The following ABCG2 variants were observed in gnomAD, a reference collection of about 807,000 sequenced individuals.
ABCG2 encodes the protein ATP binding cassette subfamily G member 2 (JR blood group), also known as broad substrate specificity ATP-binding cassette transporter ABCG2.
ABCG2 carries 80 observed loss-of-function variants against 73.5 expected under a neutral mutation model. The observed-to-expected ratio is 1.09, with a 90% CI of 0.91 to 1.31. ABCG2 has a LOEUF of 1.31. ABCG2 is among the 50% of genes most tolerant of loss of function. The pLI is 0.00. For synonymous variants in ABCG2, 269 were observed against 282.4 expected (o/e 0.95, Z 0.48); for missense variants, 796 against 786.2 (o/e 1.01, Z -0.15).
chr4:88,186,746 C>T (rs1456844416), intron 1 of ABCG2, among the ~76,000 whole-genome samples: 1 of 150,798 alleles, frequency 6.6e-6, no homozygotes, highest in African/African-American at 2.4e-5. Context: ...GGTGAAACCC[C>T]GTCTCTACTA....
chr4:88,209,536 G>T (rs932220114), intron 1 of ABCG2, among the ~76,000 whole-genome samples: 1 of 151,046 alleles, frequency 6.6e-6, no homozygotes, highest in Non-Finnish European at 1.5e-5. Context: ...GGTGGTGAGC[G>T]CCTGTAATCC....
Position 88,223,254 on chromosome 4 carries a change from T to C in ABCG2, c.-20+7740A>G, listed in dbSNP as rs552045735. Among the ~76,000 whole-genome samples the C allele has an allele frequency of 9.2e-5, 14 of 152,298 alleles. No homozygotes were observed. The South Asian group carries it at 2.7e-3, about 29-fold the overall frequency. The stretch of plus-strand genomic sequence containing the variant: ...CTGTTGGAAGGGCATGATTGTGTTT[T>C]AAAATGTGAGGACATGAGATTTGGG... On this transcript the variant is annotated intron_variant, in intron 1 of 15. Coordinates refer to the ABCG2 transcript ENST00000515655.
chr4:88,177,738 A>G (rs938514068), intron 1 of ABCG2, among the ~76,000 whole-genome samples: 2 of 152,138 alleles, frequency 1.3e-5, no homozygotes, highest in African/African-American at 4.8e-5. Context: ...GTGGCCACAT[A>G]CCATGGAGAG....
intron 2 of ABCG2, among the ~76,000 whole-genome samples, chr4:88,137,907 T>G (rs774217921): frequency 6.6e-6 from 1 of 152,136 alleles, no homozygotes; most frequent in Non-Finnish European, 1.5e-5. Context: ...ATAACCCCAG[T>G]GCTTTGGGAG....
intron 1 of ABCG2, among the ~76,000 whole-genome samples, chr4:88,168,828 T>C (rs933855975): frequency 2.0e-5 from 3 of 151,730 alleles, no homozygotes; most frequent in African/African-American, 7.3e-5. Context: ...GATATATATT[T>C]ACAAAGTGAA....
chr4:88,212,497 C>T (rs1355854493), intron 1 of ABCG2, among the ~76,000 whole-genome samples: 1 of 152,182 alleles, frequency 6.6e-6, no homozygotes, highest in Admixed American at 6.5e-5. Flanking sequence ...CTTCAGTGAT[C>T]TTGTTCTCCA....
chr4:88,122,252 C>T (rs1156971766), intron 5 of ABCG2, among the ~76,000 whole-genome samples: 1 of 152,150 alleles, frequency 6.6e-6, no homozygotes, highest in Non-Finnish European at 1.5e-5. Context: ...TGGGCAGACA[C>T]TGAGACAGCT....
rs45630471 is a variant in ABCG2 at position 88,158,395 on chromosome 4, T to C, written c.-29A>G. ...TTTACAATTTACTCACTCAGCTTAA[T>C]AGAGCTCGGTCTTAACCAAAGGCTC... On this transcript the variant is annotated 5_prime_UTR_variant, in exon 1 of 16. Transcript: ENST00000237612. 1,279 of 412,282 alleles carry C rather than the reference T, an allele frequency of 3.1e-3. 23 individuals are homozygous for C. Among genetic ancestry groups the C allele is most frequent in the Admixed American group, 0.026 (977 of 38,130 alleles). The allele number at this position is 412,282 out of a possible 1,614,324, so 25.5% of individuals were successfully genotyped here.
chr4:88,187,998 T>C (rs943330530), intron 1 of ABCG2, among the ~76,000 whole-genome samples: 19 of 152,184 alleles, frequency 1.2e-4, no homozygotes, highest in African/African-American at 4.6e-4. Context: ...TGGTCATGGG[T>C]TGGGGAGGGA....
intron 1 of ABCG2, among the ~76,000 whole-genome samples, chr4:88,152,907 T>C (rs561116969): frequency 2.6e-5 from 4 of 151,944 alleles, no homozygotes; most frequent in South Asian, 2.1e-4. Flanking sequence ...TGAAGGAAGA[T>C]TTTGTGGTAA....
At chr4:88,113,905 A>G (rs1723332047) in intron 8 of ABCG2, among the ~76,000 whole-genome samples, 1 of 152,130 alleles carries the variant, frequency 6.6e-6, no homozygotes, top group Non-Finnish European at 1.5e-5. Context: ...TGGAGGTTGC[A>G]GTGAGCTGAG....
chr4:88,163,599 C>T (rs983283705), upstream of ABCG2: 4 of 167,154 alleles, frequency 2.4e-5, no homozygotes, highest in South Asian at 1.5e-4. Context: ...CAAAGAAAAG[C>T]GGCGAGAAGA....
At position 88,202,376 on chromosome 4, in the gene ABCG2, A is replaced by ATATG. The variant is rs1176057791; in HGVS notation, c.-20+28617_-20+28618insCATA. Among the ~76,000 whole-genome samples the ATATG allele has an allele frequency of 2.3e-5, 3 of 128,582 alleles. 1 individual carries two copies. The highest frequency in any genetic ancestry group is 8.0e-5 in the Admixed American group (1 of 12,486). 84.4% of individuals were successfully genotyped at this position (128,582 alleles called of 152,430 possible). On this transcript the variant is annotated intron_variant, in intron 1 of 15. Coordinates refer to the ABCG2 transcript ENST00000515655. ...TATTTATATATATATATATATATATATGTATATTTTAATTAGCTGGGCATG... is the reference window on the plus strand; with the variant it reads ...TATTTATATATATATATATATATATATATGTGTATATTTTAATTAGCTGGGCATG...
chr4:88,191,191 G>A (rs573421844), intron 1 of ABCG2, among the ~76,000 whole-genome samples: 6 of 143,328 alleles, frequency 4.2e-5, no homozygotes, highest in South Asian at 4.9e-4. Flanking sequence ...GTGCACTGGC[G>A]CGATTTTGGC....
At chr4:88,144,356 C>T (rs1348391227) in intron 1 of ABCG2, among the ~76,000 whole-genome samples, 1 of 152,090 alleles carries the variant, frequency 6.6e-6, no homozygotes, top group Admixed American at 6.6e-5. Context: ...GAGATTCTTT[C>T]CCCAGCTCTG....
intron 1 of ABCG2, 127 bp from the exon 2 acceptor site, chr4:88,140,141 A>G (rs571463565): frequency 1.3e-5 from 10 of 767,130 alleles, no homozygotes; most frequent in Middle Eastern, 7.7e-4. Flanking sequence ...TTTCCAATGA[A>G]TGGCCCATAC....
chr4:88,186,077 C>G (rs1199256697), intron 1 of ABCG2, among the ~76,000 whole-genome samples: 1 of 152,144 alleles, frequency 6.6e-6, no homozygotes, highest in African/African-American at 2.4e-5. Context: ...TATATTACAG[C>G]ACTATTCAGA....
At chr4:88,196,564 G>T (rs1417302333) in intron 1 of ABCG2, among the ~76,000 whole-genome samples, 3 of 152,036 alleles carry the variant, frequency 2.0e-5, no homozygotes, top group Admixed American at 1.3e-4. Context: ...TTAAAATCTG[G>T]TAAGTTTGCT....
At chr4:88,094,007 AAAC>A (rs1721819421) in intron 15 of ABCG2, among the ~76,000 whole-genome samples, 1 of 152,202 alleles carries the variant, frequency 6.6e-6, no homozygotes, top group Admixed American at 6.5e-5. Context: ...GTTAATTTAA[AAAC>A]AACAACACAT....
Sources: allele counts gnomAD v4.1 joint callset (sites outside exome capture counted in the v4.1 genomes callset), GRCh38; gene constraint gnomAD v4.1.1; transcripts MANE v1.5; gene names NCBI Gene and HGNC (gene_info 2026-07-23, HGNC 2026-07-21).